The following NRG3 variants were observed in gnomAD, a reference collection of about 807,000 sequenced individuals.
The protein encoded by NRG3 is pro-neuregulin-3, membrane-bound isoform.
A neutral mutation model predicts 66.9 loss-of-function variants in NRG3; 31 were observed. The observed-to-expected ratio is 0.46, with a 90% CI of 0.35 to 0.63. The LOEUF (loss-of-function observed/expected upper bound fraction) is 0.63. Among genes scored for constraint, NRG3 ranks in the 20% least tolerant of loss-of-function variants. NRG3 has a pLI of 0.00. For synonymous variants in NRG3, 393 were observed against 359.4 expected (o/e 1.09, Z -1.06); for missense variants, 910 against 878.9 (o/e 1.04, Z -0.45).
chr10:81,896,417 C>G (rs1416404091), intron 1 of NRG3, among the ~76,000 whole-genome samples: 1 of 152,088 alleles, frequency 6.6e-6, no homozygotes, highest in Non-Finnish European at 1.5e-5. Flanking sequence ...AACTGGTGCT[C>G]AGTGCTTAGT....
chr10:82,900,689 C>G (rs1050973467), intron 4 of NRG3, among the ~76,000 whole-genome samples: 1 of 151,864 alleles, frequency 6.6e-6, no homozygotes, highest in Non-Finnish European at 1.5e-5. Context: ...TATAATGATC[C>G]CCATTTTACA....
At chr10:82,653,565 G>A (rs1212726818) in intron 2 of NRG3, among the ~76,000 whole-genome samples, 2 of 151,882 alleles carry the variant, frequency 1.3e-5, no homozygotes, top group Non-Finnish European at 2.9e-5. Flanking sequence ...CCTCAGAGAT[G>A]AAAGGGAATT....
intron 3 of NRG3, among the ~76,000 whole-genome samples, chr10:82,828,487 A>G (rs1040181514): frequency 3.3e-5 from 5 of 151,698 alleles, no homozygotes; most frequent in African/African-American, 4.8e-5. Context: ...TACCTTACCT[A>G]CTCTCCTGGG....
intron 2 of NRG3, among the ~76,000 whole-genome samples, chr10:82,535,558 G>C (rs1847729625): frequency 6.6e-6 from 1 of 152,104 alleles, no homozygotes; most frequent in African/African-American, 2.4e-5. Flanking sequence ...TTAGATGACT[G>C]CCGCTAGAGA....
At chr10:82,692,859 G>A (rs924166691) in intron 2 of NRG3, among the ~76,000 whole-genome samples, 1 of 96,906 alleles carries the variant, frequency 1.0e-5, no homozygotes, top group African/African-American at 2.7e-5. Flanking sequence ...AGAACTGAGG[G>A]GAAAAATATA....
intron 2 of NRG3, among the ~76,000 whole-genome samples, chr10:82,461,919 T>A (rs965584500): frequency 6.6e-6 from 1 of 152,084 alleles, no homozygotes; most frequent in Non-Finnish European, 1.5e-5. Flanking sequence ...TCACCTGAGG[T>A]CTGGAGTTCG....
chr10:82,963,830 G>T (rs996859877), intron 6 of NRG3, among the ~76,000 whole-genome samples: 1 of 152,138 alleles, frequency 6.6e-6, no homozygotes, highest in Non-Finnish European at 1.5e-5. Flanking sequence ...CCTGGGTTTG[G>T]TGGGGGTGAG....
At chr10:82,083,800 A>G (rs1463984784) in intron 1 of NRG3, among the ~76,000 whole-genome samples, 2 of 151,018 alleles carry the variant, frequency 1.3e-5, no homozygotes, top group Admixed American at 6.6e-5. Flanking sequence ...CATTTTTAAT[A>G]GAGATGGGGT....
intron 2 of NRG3, among the ~76,000 whole-genome samples, chr10:82,603,144 C>A (rs1238838891): frequency 6.6e-6 from 1 of 152,076 alleles, no homozygotes; most frequent in East Asian, 1.9e-4. Flanking sequence ...TCTGTACTAG[C>A]TATGGTAAGT....
At chr10:82,241,301 T>G (rs1280017570) in intron 1 of NRG3, among the ~76,000 whole-genome samples, 2 of 152,138 alleles carry the variant, frequency 1.3e-5, no homozygotes, top group Non-Finnish European at 2.9e-5. Context: ...AAATTTCAGC[T>G]CTGACATTTC....
At chr10:82,897,596 G>A (rs1843782526) in intron 4 of NRG3, among the ~76,000 whole-genome samples, 1 of 152,146 alleles carries the variant, frequency 6.6e-6, no homozygotes, top group South Asian at 2.1e-4. Flanking sequence ...TTGGCTCACT[G>A]CAACCTCTGC....
At chr10:82,220,564 T>A (rs1556735) in intron 1 of NRG3, among the ~76,000 whole-genome samples, 16,682 of 152,084 alleles carry the variant, frequency 0.11, 1,018 homozygotes, top group Middle Eastern at 0.18. Context: ...GGGTGGACAT[T>A]GAGGAGAATC....
At chr10:81,916,682 A>C (rs1004941139) in intron 1 of NRG3, among the ~76,000 whole-genome samples, 1 of 152,166 alleles carries the variant, frequency 6.6e-6, no homozygotes, top group African/African-American at 2.4e-5. Flanking sequence ...GGTGGCTATG[A>C]GCACAAACTC....
intron 2 of NRG3, among the ~76,000 whole-genome samples, chr10:82,396,991 T>G (rs1241527917): frequency 6.6e-6 from 1 of 152,226 alleles, no homozygotes; most frequent in East Asian, 1.9e-4. Context: ...GTAACTTTTC[T>G]CATTCTTGTC....
At chr10:82,980,399 G>A (rs2132660403) in intron 8 of NRG3, among the ~76,000 whole-genome samples, 1 of 152,118 alleles carries the variant, frequency 6.6e-6, no homozygotes, top group South Asian at 2.1e-4. Flanking sequence ...ATGCAATCAG[G>A]GTTTACTCTA....
At chr10:82,216,750 T>C (rs1273295298) in intron 1 of NRG3, among the ~76,000 whole-genome samples, 2 of 152,140 alleles carry the variant, frequency 1.3e-5, no homozygotes, top group Non-Finnish European at 2.9e-5. Flanking sequence ...TAATCATCTC[T>C]GGTGAATCTT....
intron 2 of NRG3, among the ~76,000 whole-genome samples, chr10:82,644,571 A>C (rs143687167): frequency 1.7e-4 from 26 of 152,294 alleles, no homozygotes; most frequent in African/African-American, 5.8e-4. Context: ...CAACCAGTTC[A>C]AAGAAGAATC....
At chr10:82,031,154 C>T (rs1211941047) in intron 1 of NRG3, among the ~76,000 whole-genome samples, 3 of 152,120 alleles carry the variant, frequency 2.0e-5, no homozygotes, top group Admixed American at 2.0e-4. Context: ...TATAAAGTTT[C>T]ATCGGTGCTC....
chr10:82,978,848 G>A, intron 7 of NRG3, 102 bp from the exon 8 acceptor site: 1 of 1,199,402 alleles, frequency 8.3e-7, no homozygotes, highest in Non-Finnish European at 1.2e-6. Flanking sequence ...GAGAATTTGG[G>A]GTGCAGATTC....
Sources: gnomAD v4.1 joint callset for allele counts (sites outside exome capture counted in the v4.1 genomes callset) on GRCh38, gnomAD v4.1.1 for gene constraint, MANE v1.5 for transcripts, NCBI Gene and HGNC (gene_info 2026-07-23, HGNC 2026-07-21) for gene names.